The following MUC13 variants were observed in gnomAD, a reference collection of about 807,000 sequenced individuals.
The protein encoded by MUC13 is mucin 13, cell surface associated.
Under a neutral mutation model 48.3 loss-of-function variants are expected in MUC13, and 32 were observed. That is an observed-to-expected ratio of 0.66 (90% CI 0.50 to 0.89). MUC13 has a LOEUF of 0.89. Ranked by LOEUF, MUC13 falls within the 40% of genes least tolerant of loss-of-function variation. MUC13 has a pLI of 0.00. For missense variants in MUC13, 571 were observed against 622.8 expected (o/e 0.92, Z 0.88); for synonymous variants, 199 against 224.9 (o/e 0.88, Z 1.03).
chr3:124,922,107 C>A, intron 4 of MUC13, 90 bp downstream of exon 4: 3 of 1,454,642 alleles, frequency 2.1e-6, no homozygotes, highest in African/African-American at 1.4e-5. Flanking sequence ...ATGGTACGAG[C>A]GTGAACCACC....
intron 1 of MUC13, among the ~76,000 whole-genome samples, chr3:124,931,421 A>C (rs562676817): frequency 7.1e-6 from 1 of 141,250 alleles, no homozygotes; most frequent in African/African-American, 2.7e-5. Context: ...ACAGAGCGAG[A>C]CTCTGTCTCA....
intron 3 of MUC13, among the ~76,000 whole-genome samples, chr3:124,923,311 A>T (rs1208006824): frequency 1.3e-5 from 2 of 152,206 alleles, no homozygotes; most frequent in Non-Finnish European, 2.9e-5. Context: ...TCAGGCTCCC[A>T]GGGTTGCTGG....
chr3:124,920,179 C>T, intron 5 of MUC13, 55 bp downstream of exon 5: 1 of 1,474,498 alleles, frequency 6.8e-7, no homozygotes, highest in Non-Finnish European at 9.4e-7. Flanking sequence ...TCAAGAGAAG[C>T]TCGGAAGTTA....
rs151214305 is a variant in MUC13, at chr3:124,908,273, C to T, written c.1413G>A (p.Ser471=). Residue 471 remains serine, a synonymous_variant, in exon 11 of 12, where the codon TCG becomes TCA. Transcript: ENST00000616727. ...DEDFQNLKLR[S]TGFTNLGAEG... is the part of the protein sequence containing the mutation. ...CTGCTCCAAGATTGGTGAAGCCTGT[C>T]GACCGCAGTTTTAGATTTTGAAAGT... 86 of 1,614,176 alleles carry T rather than the reference C, an allele frequency of 5.3e-5. No individual in the cohort carries two copies. Among genetic ancestry groups the T allele is most frequent in the South Asian group, 1.4e-4 (13 of 91,080 alleles).
At chr3:124,921,154 CT>C (rs35318002) in intron 4 of MUC13, among the ~76,000 whole-genome samples, 4 of 149,920 alleles carry the variant, frequency 2.7e-5, no homozygotes, top group Admixed American at 2.0e-4. Flanking sequence ...TCTCTACTTC[CT>C]TTTTTTTTTC....
chr3:124,909,419 T>C (rs528994024), intron 10 of MUC13, among the ~76,000 whole-genome samples: 100 of 152,068 alleles, frequency 6.6e-4, no homozygotes, highest in African/African-American at 2.4e-3. Flanking sequence ...TAGTGCCCCT[T>C]CCTTAAGAGA....
At position 124,927,951 on chromosome 3, in the gene MUC13, T is replaced by C. The variant is rs770965630; in HGVS notation, c.95A>G (p.Glu32Gly). ...TACTGTAGGACCACTAGTCGCAGTT[T>C]CTGTGGTTGTTACAGCATCAGCTGA... ...GNSADAVTTT[E>G]TATSGPTVAA... The change falls in exon 2 of 12, where the codon GAA becomes GGA. Residue 32 changes from glutamate to glycine, a missense_variant. By Grantham distance (98) the Glu-to-Gly change is moderately conservative. Coordinates refer to ENST00000616727, the MANE Select transcript of MUC13 (RefSeq NM_033049.4). 27 of 1,579,880 alleles carry C rather than the reference T, an allele frequency of 1.7e-5. No individual in the cohort carries two copies. In the South Asian group the frequency reaches 3.1e-4, roughly 18 times the overall value.
intron 4 of MUC13, among the ~76,000 whole-genome samples, chr3:124,921,383 T>C (rs2001837): frequency 0.16 from 23,963 of 152,136 alleles, 2,220 homozygotes; most frequent in Non-Finnish European, 0.21. Flanking sequence ...ACTCCTGACC[T>C]CAAGTAATCT....
At chr3:124,910,025 T>C (rs1935391210) in intron 10 of MUC13, among the ~76,000 whole-genome samples, 2 of 152,166 alleles carry the variant, frequency 1.3e-5, no homozygotes, top group Admixed American at 6.5e-5. Flanking sequence ...GTTTTGTGAG[T>C]GATTTTTAAA....
At chr3:124,910,875 G>A (rs998223005) in intron 9 of MUC13, among the ~76,000 whole-genome samples, 8 of 152,158 alleles carry the variant, frequency 5.3e-5, no homozygotes, top group African/African-American at 1.9e-4. Context: ...AAGGAAACTA[G>A]GTTGGAGTTA....
chr3:124,922,209 T>G lies in MUC13; in HGVS notation c.732A>C (p.Glu244Asp). The G allele has an allele frequency of 1.2e-6, 2 of 1,613,916 alleles. No homozygotes were observed. The highest frequency in any genetic ancestry group is 1.7e-6 in the Non-Finnish European group (2 of 1,179,950). The change falls in exon 4 of 12, where the codon GAA becomes GAC. Residue 244 changes from glutamate to aspartate, a missense_variant. Physicochemically the swap from Glu to Asp is conservative, Grantham distance 45. Transcript: ENST00000616727. ...HSMAYQDLHS[E>D]ITSLFKDVFG... is the part of the protein sequence containing the mutation. ...GGAAAATACTTACCAAGCTAGTAAT[T>G]TCACTATGCAAGTCTTGATAGGCCA...
chr3:124,930,221 C>T (rs868141626), intron 1 of MUC13, among the ~76,000 whole-genome samples: 3 of 152,178 alleles, frequency 2.0e-5, no homozygotes, highest in Non-Finnish European at 4.4e-5. Flanking sequence ...GAGTTTTGGA[C>T]TTGGTGGCTT....
At chr3:124,922,096 G>T (rs544794315) in intron 4 of MUC13, 101 bp downstream of exon 4, 5 of 1,362,742 alleles carry the variant, frequency 3.7e-6, no homozygotes, top group South Asian at 1.5e-5. Flanking sequence ...CAACTGGTAC[G>T]ATGGTACGAG....
intron 1 of MUC13, among the ~76,000 whole-genome samples, chr3:124,930,285 T>C (rs1935771116): frequency 1.3e-5 from 2 of 152,250 alleles, no homozygotes; most frequent in South Asian, 4.1e-4. Flanking sequence ...TTCAGAATGC[T>C]CAATTAGTTT....
At chr3:124,912,718 A>G (rs1935443401) in intron 8 of MUC13, among the ~76,000 whole-genome samples, 1 of 152,068 alleles carries the variant, frequency 6.6e-6, no homozygotes, top group Non-Finnish European at 1.5e-5. Flanking sequence ...CAGGTGGATC[A>G]TGAGGTCAGG....
chr3:124,920,353 CA>C, intron 4 of MUC13, 64 bp from the exon 5 acceptor site: 7 of 1,256,286 alleles, frequency 5.6e-6, no homozygotes, highest in Non-Finnish European at 7.9e-6. Flanking sequence ...TTCTACAAAT[CA>C]AATGAGGCAG....
intron 8 of MUC13, 130 bp downstream of exon 8, chr3:124,912,981 G>T: frequency 1.3e-6 from 1 of 794,600 alleles, no homozygotes; most frequent in Non-Finnish European, 1.9e-6. Context: ...ACAATGATGA[G>T]GATGCTGTCT....
At chr3:124,929,718 G>A (rs1284497966) in intron 1 of MUC13, among the ~76,000 whole-genome samples, 1 of 152,228 alleles carries the variant, frequency 6.6e-6, no homozygotes, top group African/African-American at 2.4e-5. Context: ...CTGTGAAGTA[G>A]ACATAAGTGC....
intron 10 of MUC13, among the ~76,000 whole-genome samples, chr3:124,909,485 C>CGTGT (rs71148156): frequency 2.4e-3 from 354 of 148,448 alleles, no homozygotes; most frequent in African/African-American, 6.9e-3. Context: ...TGTGTGCTTG[C>CGTGT]GTGTGTGTGT....
Sources: gnomAD v4.1 joint callset for allele counts (sites outside exome capture counted in the v4.1 genomes callset) on GRCh38, gnomAD v4.1.1 for gene constraint, MANE v1.5 for transcripts, NCBI Gene and HGNC (gene_info 2026-07-23, HGNC 2026-07-21) for gene names.